Variants in SOX5 observed in about 807,000 individuals in gnomAD.
SOX5 encodes SRY-box transcription factor 5.
In SOX5, 9 loss-of-function variants were observed where a neutral mutation model predicts 92.0. That is an observed-to-expected ratio of 0.10 (90% CI 0.06 to 0.17). The LOEUF is 0.17. SOX5 is among the 10% of genes least tolerant of loss of function. SOX5 has a pLI of 1.00. For missense variants in SOX5, 642 were observed against 944.5 expected (o/e 0.68, Z 4.20); for synonymous variants, 344 against 336.3 (o/e 1.02, Z -0.25).
intron 8 of SOX5, among the ~76,000 whole-genome samples, chr12:23,605,589 C>T (rs2075147770): frequency 6.6e-6 from 1 of 151,392 alleles, no homozygotes; most frequent in African/African-American, 2.4e-5. Context: ...TACAATGAAG[C>T]AAGAAAAAAT....
intron 4 of SOX5, among the ~76,000 whole-genome samples, chr12:24,074,488 A>G (rs1569534092): frequency 6.6e-6 from 1 of 152,216 alleles, no homozygotes; most frequent in East Asian, 1.9e-4. Flanking sequence ...TACCTATTTG[A>G]TTAATGACAA....
At chr12:24,009,045 G>A (rs2136493301) in intron 4 of SOX5, among the ~76,000 whole-genome samples, 1 of 152,276 alleles carries the variant, frequency 6.6e-6, no homozygotes, top group Non-Finnish European at 1.5e-5. Flanking sequence ...AGAGGCTGCA[G>A]GGAAAAGAAA....
chr12:24,370,459 A>G (rs936340073), intron 1 of SOX5, among the ~76,000 whole-genome samples: 1 of 129,786 alleles, frequency 7.7e-6, no homozygotes, highest in African/African-American at 3.0e-5. Context: ...CCTGGGCGAC[A>G]CTGCAAGACT....
chr12:23,688,663 G>T (rs1306924223), intron 6 of SOX5, among the ~76,000 whole-genome samples: 1 of 152,028 alleles, frequency 6.6e-6, no homozygotes, highest in African/African-American at 2.4e-5. Flanking sequence ...AGGACACACT[G>T]CCCAAGTAAT....
intron 3 of SOX5, among the ~76,000 whole-genome samples, chr12:24,253,029 C>T (rs765491629): frequency 1.3e-5 from 2 of 151,916 alleles, no homozygotes; most frequent in East Asian, 3.9e-4. Context: ...GTTTTTTAAG[C>T]ACAATAGCAG....
rs1951301788 is a variant in SOX5, at chr12:24,148,489, AAAAAAAAAAAAAAAAG to A, written c.-2+64838_-2+64853del. 2.2e-5 allele frequency among the ~76,000 whole-genome samples: 3 copies of A among 137,456 alleles called. No individual in the cohort carries two copies. In the South Asian group the frequency reaches 7.4e-4, roughly 34 times the overall value. The allele number at this position is 137,456 out of a possible 152,430, so 90.2% of individuals were successfully genotyped here. A position where few individuals can be genotyped will look rare whatever the true frequency, so the allele number is the denominator to read the frequency against. ...CAGCCTAGGCTCCATGTCAAAAAAA[AAAAAAAAAAAAAAAAG>A]AGAGAGAGAGAGAGACAAACAGATC... On this transcript the variant is annotated intron_variant, in intron 4 of 4. Coordinates refer to the SOX5 transcript ENST00000446891.
Position 23,529,919 on chromosome 12 carries a change from G to A in SOX5, c.*4300C>T, listed in dbSNP as rs1395185688. On this transcript the variant is annotated 3_prime_UTR_variant, in exon 15 of 15. Coordinates refer to ENST00000451604, the MANE Select transcript of SOX5 (RefSeq NM_006940.6). ...ATCCAAAATATTAGAAGGACTAAGA[G>A]CTTTAGAGCCAGTGGAGCTATATAA... 1 of 152,110 alleles carries A rather than the reference G, an allele frequency of 6.6e-6. No homozygotes were observed. The highest frequency in any genetic ancestry group is 6.5e-5 in the Admixed American group (1 of 15,268). 9.4% of individuals were successfully genotyped at this position (152,110 alleles called of 1,614,324 possible).
chr12:23,896,053 T>C (rs1488702093), intron 1 of SOX5, 29 bp from the exon 2 acceptor site: 2 of 1,453,348 alleles, frequency 1.4e-6, no homozygotes, highest in Admixed American at 1.7e-5. Flanking sequence ...GAGAAAATAA[T>C]GAAACCTCCA....
chr12:23,970,838 A>ATATATATATATATATATATATATAATTTT (rs1555456168), intron 4 of SOX5, among the ~76,000 whole-genome samples: 1 of 6,946 alleles, frequency 1.4e-4, no homozygotes, highest in South Asian at 0.017. Context: ...ATATATATAT[A>ATATATATATATATATATATATATAATTTT]TAATTTTTTT....
chr12:23,540,095 T>TAA (rs5797022), intron 13 of SOX5, among the ~76,000 whole-genome samples: 302 of 139,556 alleles, frequency 2.2e-3, no homozygotes, highest in Middle Eastern at 0.018. Context: ...TAAACAACAA[T>TAA]AAAAAAAAAA....
At chr12:23,982,111 G>A (rs920136949) in intron 4 of SOX5, among the ~76,000 whole-genome samples, 31 of 152,172 alleles carry the variant, frequency 2.0e-4, no homozygotes, top group Non-Finnish European at 3.8e-4. Context: ...GGGCACGAAC[G>A]AACATTTGAA....
At chr12:23,765,631 ATATT>A (rs1194283379) in intron 3 of SOX5, among the ~76,000 whole-genome samples, 3 of 152,060 alleles carry the variant, frequency 2.0e-5, no homozygotes, top group African/African-American at 4.8e-5. Flanking sequence ...ATCTTTTGAA[ATATT>A]TATTTAATTT....
chr12:23,570,949 ATATATATATATATATATAT>A, intron 10 of SOX5, among the ~76,000 whole-genome samples: 1 of 24,886 alleles, frequency 4.0e-5, no homozygotes, highest in Non-Finnish European at 1.1e-4. Flanking sequence ...ATATATATAT[ATATATATATATATATATAT>A]ATATATATAT....
At chr12:23,673,221 T>C (rs2139621801) in intron 6 of SOX5, among the ~76,000 whole-genome samples, 1 of 152,262 alleles carries the variant, frequency 6.6e-6, no homozygotes, top group South Asian at 2.1e-4. Flanking sequence ...GATAATTCAT[T>C]ATTTAAAATT....
chr12:24,108,294 GTTAA>G (rs996899317), intron 4 of SOX5, among the ~76,000 whole-genome samples: 2 of 151,640 alleles, frequency 1.3e-5, no homozygotes, highest in African/African-American at 4.8e-5. Context: ...GATGTTTTTT[GTTAA>G]TTATAGTTTT....
At chr12:23,929,233 C>T (rs1024922677) in intron 1 of SOX5, among the ~76,000 whole-genome samples, 1 of 151,776 alleles carries the variant, frequency 6.6e-6, no homozygotes, top group South Asian at 2.1e-4. Flanking sequence ...AACCAACAAA[C>T]TAATATAAAC....
At chr12:23,798,862 G>A (rs2095611676) in intron 3 of SOX5, among the ~76,000 whole-genome samples, 1 of 151,930 alleles carries the variant, frequency 6.6e-6, no homozygotes, top group Admixed American at 6.6e-5. Flanking sequence ...AAGAAAATTT[G>A]ATCTGTAAAA....
At chr12:23,870,955 T>G (rs530140598) in intron 2 of SOX5, among the ~76,000 whole-genome samples, 1 of 152,112 alleles carries the variant, frequency 6.6e-6, no homozygotes, top group Non-Finnish European at 1.5e-5. Context: ...CATATGAAAA[T>G]CCCGTTATCC....
intron 1 of SOX5, among the ~76,000 whole-genome samples, chr12:24,448,463 G>A (rs1250548518): frequency 4.6e-5 from 7 of 152,118 alleles, no homozygotes; most frequent in Non-Finnish European, 7.4e-5. Flanking sequence ...TGGCAATACC[G>A]AGCATTCAGG....
Sources: gnomAD v4.1 joint callset for allele counts (sites outside exome capture counted in the v4.1 genomes callset) on GRCh38, gnomAD v4.1.1 for gene constraint, MANE v1.5 for transcripts, NCBI Gene and HGNC (gene_info 2026-07-23, HGNC 2026-07-21) for gene names.